ROBO1: variants seen among roughly 807,000 people sequenced by gnomAD.
ROBO1 encodes roundabout homolog 1.
In ROBO1, 149 loss-of-function variants were observed where a neutral mutation model predicts 195.9. The ratio of observed to expected loss-of-function variants is 0.76; its 90% CI spans 0.67 to 0.87. The LOEUF (loss-of-function observed/expected upper bound fraction) is 0.87, where lower values mean the gene tolerates loss of function less well. Among genes scored for constraint, ROBO1 ranks in the 40% least tolerant of loss-of-function variants. The probability of loss-of-function intolerance (pLI) is 0.00; values close to 1 mark genes in which losing one functional copy is unlikely to be tolerated. For synonymous variants in ROBO1, 816 were observed against 733.2 expected (o/e 1.11, Z -1.82); for missense variants, 1,933 against 2,068.3 (o/e 0.93, Z 1.27).
In ROBO1 at chr3:78,679,685, T is replaced by C. The variant is rs149685210; in HGVS notation, c.1342+6061A>G. On this transcript the variant is annotated intron_variant, in intron 10 of 30. Coordinates refer to ENST00000464233, the MANE Select transcript of ROBO1 (RefSeq NM_002941.4). ...CACTGCTCAATGAAATAAAAGAAGATACAAACAAATGGAAGAACGTTCCAT... is the reference window on the plus strand; with the variant it reads ...CACTGCTCAATGAAATAAAAGAAGACACAAACAAATGGAAGAACGTTCCAT... 4.3e-3 allele frequency among the ~76,000 whole-genome samples: 650 copies of C among 152,066 alleles called. 7 individuals carry two copies. The highest frequency in any genetic ancestry group is 0.014 in the African/African-American group (601 of 41,470).
intron 1 of ROBO1, among the ~76,000 whole-genome samples, chr3:79,613,221 C>G (rs986650545): frequency 6.6e-6 from 1 of 151,920 alleles, no homozygotes; most frequent in Non-Finnish European, 1.5e-5. Flanking sequence ...AGGTTAAACT[C>G]AGCTTTAAAA....
chr3:78,682,178 G>C (rs917652043), intron 10 of ROBO1, among the ~76,000 whole-genome samples: 1 of 151,844 alleles, frequency 6.6e-6, no homozygotes, highest in Admixed American at 6.6e-5. Flanking sequence ...ATCAAGAAAA[G>C]TATGCCCATT....
intron 3 of ROBO1, among the ~76,000 whole-genome samples, chr3:79,076,564 T>C (rs1256418598): frequency 2.0e-5 from 3 of 151,670 alleles, no homozygotes; most frequent in Non-Finnish European, 4.4e-5. Context: ...TTGTCTCATA[T>C]TTTTTCATGA....
chr3:78,849,855 C>CACAG (rs2033934565), intron 4 of ROBO1, among the ~76,000 whole-genome samples: 1 of 151,326 alleles, frequency 6.6e-6, no homozygotes, highest in Admixed American at 6.6e-5. Flanking sequence ...CACACACACA[C>CACAG]ACACACACAC....
chr3:79,096,516 A>T (rs1204664182), intron 3 of ROBO1, among the ~76,000 whole-genome samples: 1 of 151,800 alleles, frequency 6.6e-6, no homozygotes, highest in Admixed American at 6.6e-5. Context: ...ATGTAACCTT[A>T]GTATTCTAAC....
At chr3:79,727,328 A>G (rs916091870) in intron 1 of ROBO1, among the ~76,000 whole-genome samples, 1 of 152,184 alleles carries the variant, frequency 6.6e-6, no homozygotes, top group Non-Finnish European at 1.5e-5. Flanking sequence ...AAGTTACATT[A>G]ATGTAGCTAA....
intron 3 of ROBO1, among the ~76,000 whole-genome samples, chr3:79,081,805 C>A (rs1205195056): frequency 6.6e-6 from 1 of 152,114 alleles, no homozygotes; most frequent in Admixed American, 6.6e-5. Flanking sequence ...GAAAGGATGG[C>A]TTCTTCATCA....
intron 2 of ROBO1, among the ~76,000 whole-genome samples, chr3:79,369,927 A>C (rs770633352): frequency 2.6e-5 from 4 of 152,232 alleles, no homozygotes; most frequent in Non-Finnish European, 5.9e-5. Context: ...ACATAAGAGA[A>C]ACATTTTAAG....
chr3:79,103,889 G>A (rs1285726381), intron 3 of ROBO1, among the ~76,000 whole-genome samples: 2 of 151,626 alleles, frequency 1.3e-5, no homozygotes, highest in African/African-American at 4.8e-5. Context: ...GTCACTGCAG[G>A]ATATGAATAA....
At chr3:79,278,208 A>G (rs1239014042) in intron 2 of ROBO1, among the ~76,000 whole-genome samples, 1 of 152,148 alleles carries the variant, frequency 6.6e-6, no homozygotes, top group Non-Finnish European at 1.5e-5. Context: ...ATGGATCAGA[A>G]GAATTAATAT....
intron 4 of ROBO1, among the ~76,000 whole-genome samples, chr3:78,820,592 T>C (rs923076178): frequency 6.6e-6 from 1 of 152,206 alleles, no homozygotes; most frequent in African/African-American, 2.4e-5. Context: ...TTTAATCAAA[T>C]CATTCATTGT....
At chr3:79,281,610 TTTTA>T (rs1266600714) in intron 2 of ROBO1, among the ~76,000 whole-genome samples, 1 of 152,186 alleles carries the variant, frequency 6.6e-6, no homozygotes, top group East Asian at 1.9e-4. Context: ...TAGATTGTGT[TTTTA>T]TTTATTTAGT....
chr3:78,856,280 C>A (rs2034422861), intron 4 of ROBO1, among the ~76,000 whole-genome samples: 1 of 135,064 alleles, frequency 7.4e-6, no homozygotes. Context: ...AACAAATAAC[C>A]TAGCAAAAAA....
chr3:78,981,213 T>C (rs1000115693), intron 3 of ROBO1, among the ~76,000 whole-genome samples: 2 of 152,182 alleles, frequency 1.3e-5, no homozygotes, highest in African/African-American at 4.8e-5. Context: ...TATATTACAG[T>C]TTATTTTATA....
At chr3:79,758,259 G>A (rs1445125773) in intron 1 of ROBO1, among the ~76,000 whole-genome samples, 2 of 152,144 alleles carry the variant, frequency 1.3e-5, no homozygotes, top group Non-Finnish European at 2.9e-5. Flanking sequence ...GTAGCCACCA[G>A]CCACATATTC....
At chr3:78,666,597 G>A (rs751043978) in intron 14 of ROBO1, among the ~76,000 whole-genome samples, 2 of 152,160 alleles carry the variant, frequency 1.3e-5, no homozygotes, top group Non-Finnish European at 2.9e-5. Context: ...AAGGCAGGCT[G>A]CAAGTATAGT....
intron 1 of ROBO1, among the ~76,000 whole-genome samples, chr3:79,697,909 C>T (rs985250962): frequency 1.3e-5 from 2 of 151,374 alleles, no homozygotes; most frequent in African/African-American, 4.8e-5. Flanking sequence ...AACATACATA[C>T]ATTCCATTTA....
chr3:79,514,462 T>C (rs570357364), intron 2 of ROBO1, among the ~76,000 whole-genome samples: 7 of 152,252 alleles, frequency 4.6e-5, no homozygotes, highest in African/African-American at 1.7e-4. Flanking sequence ...TTGGTCAATA[T>C]CATTTTTTTT....
At chr3:79,625,759 A>G (rs1945158696) in intron 1 of ROBO1, among the ~76,000 whole-genome samples, 2 of 152,164 alleles carry the variant, frequency 1.3e-5, no homozygotes, top group Non-Finnish European at 2.9e-5. Context: ...ATGGATTAAC[A>G]GCTGAATTCT....
Sources: allele counts gnomAD v4.1 joint callset (sites outside exome capture counted in the v4.1 genomes callset), GRCh38; gene constraint gnomAD v4.1.1; transcripts MANE v1.5; gene names NCBI Gene and HGNC (gene_info 2026-07-23, HGNC 2026-07-21).